RASEF: variants seen among roughly 807,000 people sequenced by gnomAD.
RASEF encodes the protein ras and EF-hand domain-containing protein.
A neutral mutation model predicts 90.1 loss-of-function variants in RASEF; 68 were observed. The observed-to-expected ratio is 0.75, with a 90% CI of 0.62 to 0.92. RASEF has a LOEUF of 0.92. RASEF is among the 40% of genes least tolerant of loss of function. RASEF has a pLI of 0.00. For missense variants in RASEF, 949 were observed against 937.2 expected (o/e 1.01, Z -0.16); for synonymous variants, 331 against 345.2 (o/e 0.96, Z 0.46).
At chr9:83,069,446 T>A in the RASEF span, among the ~76,000 whole-genome samples, 1 of 152,228 alleles carries the variant, frequency 6.6e-6, no homozygotes, top group Admixed American at 6.5e-5. Context: ...CACTCTTCCA[T>A]GCCTGGCTTT....
In RASEF at chr9:83,062,645, G is replaced by C. The variant is rs1334644376; in HGVS notation, c.223C>G (p.Leu75Val). The C allele has an allele frequency of 6.4e-6, 10 of 1,557,978 alleles. No homozygotes were observed. The highest frequency in any genetic ancestry group is 1.7e-4 in the Middle Eastern group (1 of 5,972). The change falls in exon 1 of 17, where the codon CTC (leucine) becomes GTC (valine). Residue 75 changes from leucine (L) to valine (V), a missense_variant. Around this residue, in one of 3 missense-constraint regions of RASEF, gnomAD observed 656 missense variants for 592.2 expected, o/e 1.11. Transcript: ENST00000376447. ...QEFARGFLGS[L>V]RGGRRRDWGP... is the part of the protein sequence containing the mutation. ...CAGTCCCGGCGCCGCCCCCCGCGGA[G>C]GGACCCGAGGAAGCCACGCGCGAAC...
At chr9:83,059,362 GAA>G (rs201457912) in intron 1 of RASEF, among the ~76,000 whole-genome samples, 35 of 88,170 alleles carry the variant, frequency 4.0e-4, no homozygotes, top group South Asian at 1.7e-3. Context: ...AACAGTAACT[GAA>G]AAAAAAAAAA....
At chr9:82,996,967 A>C (rs768835256) in intron 14 of RASEF, 45 bp downstream of exon 14, 2 of 1,166,214 alleles carry the variant, frequency 1.7e-6, no homozygotes, top group East Asian at 4.7e-5. Context: ...AGATGGCCTA[A>C]AACTTCCTCG....
At chr9:83,181,071 C>G in the RASEF span, among the ~76,000 whole-genome samples, 1 of 150,168 alleles carries the variant, frequency 6.7e-6, no homozygotes, top group Non-Finnish European at 1.5e-5. Flanking sequence ...TTAGGCACCC[C>G]TTTTACTCTC....
the RASEF span, among the ~76,000 whole-genome samples, chr9:83,129,111 A>T: frequency 6.6e-6 from 1 of 152,186 alleles, no homozygotes; most frequent in South Asian, 2.1e-4. Flanking sequence ...ATGACTTTCA[A>T]ATAGTGCCTT....
the RASEF span, among the ~76,000 whole-genome samples, chr9:83,142,635 C>G: frequency 1.3e-5 from 2 of 152,164 alleles, no homozygotes; most frequent in Non-Finnish European, 2.9e-5. Flanking sequence ...GCTTTTGCAA[C>G]AGAGAAACTA....
At chr9:83,036,725 AGG>A (rs1334763760) in intron 1 of RASEF, among the ~76,000 whole-genome samples, 1 of 152,202 alleles carries the variant, frequency 6.6e-6, no homozygotes, top group Non-Finnish European at 1.5e-5. Context: ...AAGGGACTTT[AGG>A]GAAAAACTGA....
upstream of RASEF, among the ~76,000 whole-genome samples, chr9:83,063,483 A>G (rs1023026775): frequency 6.6e-6 from 1 of 152,220 alleles, no homozygotes; most frequent in African/African-American, 2.4e-5. Context: ...GAAACTTGAT[A>G]AACTTCTTTA....
At chr9:82,993,949 C>A (rs952118814) in intron 14 of RASEF, among the ~76,000 whole-genome samples, 1 of 152,182 alleles carries the variant, frequency 6.6e-6, no homozygotes, top group Non-Finnish European at 1.5e-5. Context: ...AAGAAGACAA[C>A]CTGACTAGCA....
chr9:83,211,178 G>A, the RASEF span, among the ~76,000 whole-genome samples: 1 of 152,180 alleles, frequency 6.6e-6, no homozygotes, highest in Non-Finnish European at 1.5e-5. Context: ...AATCTGGACA[G>A]ATCCTCAGTC....
chr9:83,072,146 C>T, the RASEF span, among the ~76,000 whole-genome samples: 4,290 of 152,208 alleles, frequency 0.028, 206 homozygotes, highest in African/African-American at 0.097. Flanking sequence ...ACCAGGTATT[C>T]TCCTCCCCTA....
In RASEF at chr9:82,990,405, A is replaced by G; in HGVS notation, c.2103T>C (p.Val701=). The G allele has an allele frequency of 6.2e-7, 1 of 1,613,642 alleles. No individual in the cohort carries two copies. Among genetic ancestry groups the G allele is most frequent in the Non-Finnish European group, 8.5e-7 (1 of 1,179,610 alleles). The part of the protein sequence containing the change: ...AKDGSNIVEA[V]LHLAREVKKR... ...CCAAACTTTACCGAGCAAGGTGCAG[A>G]ACAGCCTCCACTATGTTAGAACCAT... The change falls in exon 16 of 17, where the codon GTT becomes GTC. Residue 701 remains valine, a synonymous_variant. Coordinates refer to ENST00000376447, the MANE Select transcript of RASEF (RefSeq NM_152573.4).
At chr9:83,089,941 G>GATAGAT in the RASEF span, among the ~76,000 whole-genome samples, 8 of 137,130 alleles carry the variant, frequency 5.8e-5, no homozygotes, top group African/African-American at 1.1e-4. Context: ...TAGATAGATA[G>GATAGAT]ATAGATATAG....
At chr9:83,199,665 C>G in the RASEF span, among the ~76,000 whole-genome samples, 7 of 152,144 alleles carry the variant, frequency 4.6e-5, no homozygotes, top group Non-Finnish European at 1.0e-4. Flanking sequence ...GTATTGAAGA[C>G]TCAGAAACTA....
the RASEF span, among the ~76,000 whole-genome samples, chr9:83,206,621 G>T: frequency 1.7e-4 from 26 of 152,300 alleles, no homozygotes; most frequent in African/African-American, 6.0e-4. Flanking sequence ...TACGCTATAT[G>T]CTGATAATTA....
At chr9:83,193,509 G>A in the RASEF span, among the ~76,000 whole-genome samples, 1 of 152,208 alleles carries the variant, frequency 6.6e-6, no homozygotes, top group Non-Finnish European at 1.5e-5. Context: ...CATTACTGGA[G>A]TAAGCAGAAT....
At chr9:83,004,735 C>A (rs1413447438) in intron 8 of RASEF, 149 bp from the exon 9 acceptor site, 6 of 586,082 alleles carry the variant, frequency 1.0e-5, no homozygotes, top group Admixed American at 2.8e-5. Flanking sequence ...ACTACCTGAG[C>A]AAATGTGAGC....
At chr9:83,144,412 GAA>G in the RASEF span, among the ~76,000 whole-genome samples, 1 of 122,768 alleles carries the variant, frequency 8.1e-6, no homozygotes, top group African/African-American at 3.2e-5. Context: ...AAGAAAGAAA[GAA>G]AGAAAAGAAA....
At chr9:83,183,358 A>G in the RASEF span, among the ~76,000 whole-genome samples, 1 of 152,186 alleles carries the variant, frequency 6.6e-6, no homozygotes, top group Non-Finnish European at 1.5e-5. Context: ...CAATTTTACT[A>G]GAAAATAAGC....
Sources: gnomAD v4.1 joint callset for allele counts (sites outside exome capture counted in the v4.1 genomes callset) on GRCh38, gnomAD v4.1.1 for gene constraint, gnomAD v4.1.1 regional missense constraint, MANE v1.5 for transcripts, NCBI Gene and HGNC (gene_info 2026-07-23, HGNC 2026-07-21) for gene names.